Variants in FOXP2 observed in about 807,000 individuals in gnomAD.
The protein encoded by FOXP2 is forkhead box protein P2.
In FOXP2, 12 loss-of-function variants were observed where a neutral mutation model predicts 115.8. The observed-to-expected ratio is 0.10, with a 90% CI of 0.07 to 0.17. FOXP2 has a LOEUF of 0.17. FOXP2 is among the 10% of genes least tolerant of loss of function. FOXP2 has a pLI of 1.00. For missense variants in FOXP2, 629 were observed against 843.5 expected (o/e 0.75, Z 3.15); for synonymous variants, 328 against 297.7 (o/e 1.10, Z -1.05).
chr7:114,143,963 G>T (rs916005186), intron 1 of FOXP2, among the ~76,000 whole-genome samples: 1 of 151,984 alleles, frequency 6.6e-6, no homozygotes, highest in Admixed American at 6.6e-5. Flanking sequence ...CTGATTTTAG[G>T]ATGGTGCAGA....
intron 2 of FOXP2, among the ~76,000 whole-genome samples, chr7:114,486,661 T>A (rs1309220133): frequency 6.6e-6 from 1 of 152,216 alleles, no homozygotes; most frequent in Non-Finnish European, 1.5e-5. Flanking sequence ...ACTTTCTTGA[T>A]ACAATAGGGA....
chr7:114,145,431 T>TTTTTCTTTTCTTTTCTTTTCTTTTC (rs61612673), intron 1 of FOXP2, among the ~76,000 whole-genome samples: 1,071 of 100,422 alleles, frequency 0.011, 56 homozygotes, highest in African/African-American at 0.034. Context: ...GCTTTGCCAT[T>TTTTTCTTTTCTTTTCTTTTCTTTTC]TTTTCTTTTC....
chr7:114,626,627 C>A (rs1023013946), intron 3 of FOXP2, among the ~76,000 whole-genome samples: 1 of 151,456 alleles, frequency 6.6e-6, no homozygotes, highest in African/African-American at 2.4e-5. Flanking sequence ...AGATTGACAG[C>A]CTTTTTAGTT....
Position 114,140,245 on chromosome 7 carries a change from C to A in FOXP2, c.-246-22699C>A, listed in dbSNP as rs543606791. On this transcript the variant is annotated intron_variant, in intron 1 of 19. Transcript: ENST00000635638. ...AACTTCTTCATTTTCCAGAGCCCAA[C>A]TGACAATGAGCTCAGTTTTATTATT... Among the ~76,000 whole-genome samples the A allele has an allele frequency of 9.1e-4, 138 of 152,198 alleles. 1 individual carries two copies. Among genetic ancestry groups the A allele is most frequent in the Non-Finnish European group, 1.6e-3 (106 of 68,016 alleles).
chr7:114,299,234 G>GTA (rs1457424180), intron 2 of FOXP2, among the ~76,000 whole-genome samples: 2 of 152,164 alleles, frequency 1.3e-5, no homozygotes, highest in Admixed American at 1.3e-4. Context: ...CAAGCAATAG[G>GTA]TATATATTGG....
intron 16 of FOXP2, among the ~76,000 whole-genome samples, chr7:114,688,539 A>G (rs1250851864): frequency 6.6e-6 from 1 of 152,154 alleles, no homozygotes; most frequent in Non-Finnish European, 1.5e-5. Context: ...TCTTTTTCAC[A>G]GCGATTCCCT....
intron 2 of FOXP2, among the ~76,000 whole-genome samples, chr7:114,356,217 T>C (rs773219184): frequency 2.0e-5 from 3 of 152,080 alleles, no homozygotes; most frequent in Non-Finnish European, 4.4e-5. Context: ...TTACTTGGAG[T>C]AGTTTCCAGT....
At chr7:114,186,281 A>G (rs1238805642) in intron 1 of FOXP2, among the ~76,000 whole-genome samples, 1 of 152,192 alleles carries the variant, frequency 6.6e-6, no homozygotes, top group Non-Finnish European at 1.5e-5. Flanking sequence ...TCCAAAGTGT[A>G]GAGTTTCACA....
At chr7:114,262,222 A>G (rs532145485) in intron 1 of FOXP2, among the ~76,000 whole-genome samples, 1 of 152,170 alleles carries the variant, frequency 6.6e-6, no homozygotes, top group East Asian at 1.9e-4. Context: ...TCAGGAGTTC[A>G]AGACCAGCCT....
At chr7:114,328,683 A>C (rs1797621097) in intron 2 of FOXP2, among the ~76,000 whole-genome samples, 1 of 152,222 alleles carries the variant, frequency 6.6e-6, no homozygotes, top group African/African-American at 2.4e-5. Context: ...AAAATATATA[A>C]GGGTCTCTAA....
intron 1 of FOXP2, among the ~76,000 whole-genome samples, chr7:114,096,014 C>T (rs1359618795): frequency 1.3e-5 from 2 of 152,098 alleles, no homozygotes; most frequent in South Asian, 2.1e-4. Flanking sequence ...TTTGGGTCTG[C>T]CAAAAAGTAT....
intron 2 of FOXP2, among the ~76,000 whole-genome samples, chr7:114,393,928 A>C (rs944778346): frequency 2.0e-5 from 3 of 151,990 alleles, no homozygotes; most frequent in Non-Finnish European, 4.4e-5. Context: ...ATAGATATAG[A>C]AATTATTGTG....
intron 3 of FOXP2, among the ~76,000 whole-genome samples, chr7:114,553,996 A>G (rs1800334910): frequency 6.6e-6 from 1 of 152,076 alleles, no homozygotes; most frequent in Non-Finnish European, 1.5e-5. Flanking sequence ...TCATATAAAC[A>G]AAATACATAT....
intron 1 of FOXP2, among the ~76,000 whole-genome samples, chr7:114,233,417 A>T (rs1366081935): frequency 6.6e-6 from 1 of 152,234 alleles, no homozygotes; most frequent in Non-Finnish European, 1.5e-5. Flanking sequence ...CTTTTTAGGA[A>T]TGCATGCTCA....
chr7:114,374,840 A>G (rs1348303883), intron 2 of FOXP2, among the ~76,000 whole-genome samples: 2 of 152,210 alleles, frequency 1.3e-5, no homozygotes, highest in Non-Finnish European at 2.9e-5. Context: ...ACAAGACTCT[A>G]TATCTGATCT....
chr7:114,360,947 C>G (rs368898365), intron 2 of FOXP2, among the ~76,000 whole-genome samples: 2 of 152,116 alleles, frequency 1.3e-5, no homozygotes, highest in South Asian at 4.1e-4. Context: ...CTTAAAACCA[C>G]TCAGTGAAGA....
chr7:114,495,069 G>A (rs1371076001), intron 2 of FOXP2, among the ~76,000 whole-genome samples: 1 of 152,158 alleles, frequency 6.6e-6, no homozygotes, highest in Non-Finnish European at 1.5e-5. Flanking sequence ...TACAGAGAGG[G>A]CATGAAAGTT....
Position 114,211,055 on chromosome 7 carries a change from C to T in FOXP2, c.-102+47967C>T, listed in dbSNP as rs552838954. On this transcript the variant is annotated intron_variant, in intron 1 of 17. Coordinates refer to the FOXP2 transcript ENST00000634411. The stretch of plus-strand genomic sequence containing the variant: ...TGATGGCCACTCCTCCCTCTGGGAA[C>T]TCGGACCCGCCTCAGGCAGATTCCA... Among the ~76,000 whole-genome samples the T allele has an allele frequency of 3.9e-5, 6 of 152,298 alleles. No individual in the cohort carries two copies. The South Asian group carries it at 1.2e-3, about 32-fold the overall frequency.
intron 1 of FOXP2, among the ~76,000 whole-genome samples, chr7:114,182,267 T>C (rs1793477679): frequency 6.6e-6 from 1 of 152,026 alleles, no homozygotes; most frequent in Non-Finnish European, 1.5e-5. Context: ...ATGGAAACCA[T>C]TAATTTGAAG....
Sources: allele counts gnomAD v4.1 joint callset (sites outside exome capture counted in the v4.1 genomes callset), GRCh38; gene constraint gnomAD v4.1.1; transcripts MANE v1.5; gene names NCBI Gene and HGNC (gene_info 2026-07-23, HGNC 2026-07-21).